The following LARP1B variants were observed in gnomAD, a reference collection of about 807,000 sequenced individuals.
The protein encoded by LARP1B is la-related protein 1B.
In LARP1B, 76 loss-of-function variants were observed where a neutral mutation model predicts 114.2. The ratio of observed to expected loss-of-function variants is 0.67; its 90% confidence interval spans 0.55 to 0.81. The LOEUF (loss-of-function observed/expected upper bound fraction) is 0.81. Ranked by LOEUF, LARP1B falls within the 30% of genes least tolerant of loss-of-function variation. The pLI is 0.00. For missense variants in LARP1B, 1,014 were observed against 1,075.8 expected, an observed-to-expected ratio of 0.94 and a Z score of 0.80; for synonymous variants, 345 against 348.0, an observed-to-expected ratio of 0.99 and a Z score of 0.10.
chr4:128,133,617 G>A (rs1270051978), intron 11 of LARP1B, among the ~76,000 whole-genome samples: 1 of 152,192 alleles, frequency 6.6e-6, no homozygotes, highest in African/African-American at 2.4e-5. Context: ...TCAAAACCTT[G>A]TGGTACTGTC....
chr4:128,211,205 G>A lies in LARP1B; in HGVS notation c.*1152G>A, dbSNP rs767809918. ...AAAGCTGTAATATTCAGTTTTGCTA[G>A]TAAAAGACCATTTTTTTGTGTGAAT... On this transcript the variant is annotated 3_prime_UTR_variant, in exon 20 of 20. Coordinates refer to ENST00000326639, the MANE Select transcript of LARP1B (RefSeq NM_018078.4). The A allele has an allele frequency of 1.1e-6, 1 of 937,214 alleles. No homozygotes were observed. Among genetic ancestry groups the A allele is most frequent in the Non-Finnish European group, 1.3e-6 (1 of 786,010 alleles). 58.1% of individuals were successfully genotyped at this position (937,214 alleles called of 1,614,324 possible).
At chr4:128,213,996 G>A (rs62321072), downstream of LARP1B, among the ~76,000 whole-genome samples, 104 of 146,600 alleles carry the variant, frequency 7.1e-4, no homozygotes, top group Middle Eastern at 3.4e-3. Flanking sequence ...CCTGGGAAGC[G>A]CAAGGGGTCA....
chr4:128,088,894 T>G (rs1580151994), intron 5 of LARP1B, among the ~76,000 whole-genome samples: 2 of 146,186 alleles, frequency 1.4e-5, no homozygotes, highest in African/African-American at 2.5e-5. Flanking sequence ...GAGGGGGAGG[T>G]GGGTGGATCG....
At chr4:128,062,200 G>T (rs570523846) in intron 1 of LARP1B, 2 of 985,436 alleles carry the variant, frequency 2.0e-6, no homozygotes, top group Non-Finnish European at 2.4e-6. Flanking sequence ...CACCGCCCCC[G>T]CTGGAAACCC....
chr4:128,109,424 AT>A (rs1021001586), intron 9 of LARP1B, among the ~76,000 whole-genome samples: 1 of 151,794 alleles, frequency 6.6e-6, no homozygotes, highest in African/African-American at 2.4e-5. Context: ...TAAAATTTCT[AT>A]TTTTTTTCCT....
chr4:128,147,896 T>G (rs1731047599), intron 11 of LARP1B, among the ~76,000 whole-genome samples: 1 of 152,172 alleles, frequency 6.6e-6, no homozygotes, highest in South Asian at 2.1e-4. Context: ...TGATATAATT[T>G]ATGAAAAAAA....
Position 128,210,186 on chromosome 4 carries a change from T to C in LARP1B, c.*133T>C, listed in dbSNP as rs1758727951. On this transcript the variant is annotated 3_prime_UTR_variant, in exon 20 of 20. Coordinates refer to ENST00000326639, the MANE Select transcript of LARP1B (RefSeq NM_018078.4). ...TTGGGGAAAATCTTCTGGTGTTTAA[T>C]TGTGATAATAAGAAAGAAGAAAAAG... 6.7e-7 allele frequency: 1 copy of C among 1,482,916 alleles called. No homozygotes were observed. Among genetic ancestry groups the C allele is most frequent in the Non-Finnish European group, 8.9e-7 (1 of 1,119,352 alleles). 91.9% of individuals were successfully genotyped at this position (1,482,916 alleles called of 1,614,324 possible). A position where few individuals can be genotyped will look rare whatever the true frequency, so the allele number is the denominator to read the frequency against.
In LARP1B at chr4:128,179,442, C is replaced by A. The variant is rs1463526597; in HGVS notation, c.1933C>A (p.Pro645Thr). The change falls in exon 15 of 20, where the codon CCC (proline) becomes ACC (threonine). Residue 645 changes from proline to threonine, a missense_variant. Pro to Thr is a conservative substitution (Grantham distance 38). Transcript: ENST00000326639. ...GAGAAAAACAAGGCATAGCACAAAT[C>A]CCCCTCTAGAGTGTCATGTTGGTTG... is the stretch of plus-strand genomic sequence containing the variant. ...RKRKTRHSTN[P>T]PLECHVGWVM... 1.9e-6 allele frequency: 3 copies of A among 1,610,546 alleles called. No individual in the cohort carries two copies. Among genetic ancestry groups the A allele is most frequent in the East Asian group, 4.5e-5 (2 of 44,702 alleles).
chr4:128,120,261 A>G (rs2149987228), intron 10 of LARP1B, among the ~76,000 whole-genome samples: 1 of 152,120 alleles, frequency 6.6e-6, no homozygotes, highest in African/African-American at 2.4e-5. Context: ...GAAAGGGAGG[A>G]ATTGTTTTTT....
intron 10 of LARP1B, among the ~76,000 whole-genome samples, chr4:128,115,078 T>A (rs1395848315): frequency 1.3e-5 from 2 of 151,974 alleles, no homozygotes; most frequent in Non-Finnish European, 2.9e-5. Flanking sequence ...GCTGGGATTA[T>A]AGGCGCGAGC....
Position 128,207,242 on chromosome 4 carries a change from T to C in LARP1B, c.2420-14T>C. On this transcript the variant is annotated splice_polypyrimidine_tract_variant and intron_variant, in intron 18 of 19. Transcript: ENST00000326639. ...TTCATATAATTCATAATGTATATTA[T>C]TCTTTGTTATTAGGTCAGCTGTATG... 3.2e-6 allele frequency: 4 copies of C among 1,249,776 alleles called. No homozygotes were observed. The highest frequency in any genetic ancestry group is 4.3e-6 in the Non-Finnish European group (4 of 928,358). 77.4% of individuals were successfully genotyped at this position (1,249,776 alleles called of 1,614,324 possible).
chr4:128,097,681 T>C (rs1778576482), intron 7 of LARP1B, among the ~76,000 whole-genome samples: 2 of 152,194 alleles, frequency 1.3e-5, no homozygotes, highest in Admixed American at 6.6e-5. Flanking sequence ...CAGTACTTTG[T>C]CAACTTAGAA....
chr4:128,159,392 T>A (rs1278784152), intron 11 of LARP1B, among the ~76,000 whole-genome samples: 2 of 152,028 alleles, frequency 1.3e-5, no homozygotes, highest in South Asian at 2.1e-4. Flanking sequence ...CTGCCTCACC[T>A]CCACTATCCC....
chr4:128,191,792 T>C (rs919730553), intron 15 of LARP1B, among the ~76,000 whole-genome samples: 1 of 152,138 alleles, frequency 6.6e-6, no homozygotes, highest in Admixed American at 6.5e-5. Context: ...ATACTTCTTA[T>C]GGGTTGAGGC....
chr4:128,114,946 T>TTTA (rs1785287111), intron 10 of LARP1B, among the ~76,000 whole-genome samples: 1 of 151,650 alleles, frequency 6.6e-6, no homozygotes, highest in African/African-American at 2.4e-5. Flanking sequence ...TTATTTATTT[T>TTTA]TTTTTTTTTG....
chr4:128,121,979 G>A lies in LARP1B; in HGVS notation c.1315G>A (p.Glu439Lys). 1 of 1,613,028 alleles carries A rather than the reference G, an allele frequency of 6.2e-7. No individual in the cohort carries two copies. ...TTGGTCTGATAATGATTCAGATTAT[G>A]AAATTGATGACCAAGACTTAAACAA... ...TDWSDNDSDY[E>K]IDDQDLNKIL... Residue 439 changes from glutamate (E) to lysine (K), a missense_variant, in exon 11 of 20, where the codon GAA (glutamate) becomes AAA (lysine). Glu to Lys is a moderately conservative substitution (Grantham distance 56). Coordinates refer to ENST00000326639, the MANE Select transcript of LARP1B (RefSeq NM_018078.4).
chr4:128,186,345 T>C (rs1561525747), intron 15 of LARP1B, among the ~76,000 whole-genome samples: 1 of 152,208 alleles, frequency 6.6e-6, no homozygotes, highest in Non-Finnish European at 1.5e-5. Context: ...TTAATTTCTT[T>C]CATCTGTGTT....
chr4:128,195,660 C>T (rs567453484), intron 15 of LARP1B, among the ~76,000 whole-genome samples: 62 of 152,096 alleles, frequency 4.1e-4, no homozygotes, highest in African/African-American at 1.4e-3. Flanking sequence ...CTACTGATTC[C>T]ATATAGAGAC....
At chr4:128,083,693 C>A (rs1284935095) in intron 5 of LARP1B, among the ~76,000 whole-genome samples, 43 of 146,266 alleles carry the variant, frequency 2.9e-4, no homozygotes, top group Admixed American at 9.5e-4. Flanking sequence ...CACCTCCCTC[C>A]CGGACAGGGT....
Sources: allele counts gnomAD v4.1 joint callset (sites outside exome capture counted in the v4.1 genomes callset), GRCh38; gene constraint gnomAD v4.1.1; transcripts MANE v1.5; gene names NCBI Gene and HGNC (gene_info 2026-07-23, HGNC 2026-07-21).